HDGFL2: variants seen among roughly 807,000 people sequenced by gnomAD.
The protein encoded by HDGFL2 is hepatoma-derived growth factor-related protein 2.
A neutral mutation model predicts 77.1 loss-of-function variants in HDGFL2; 36 were observed. That is an observed-to-expected ratio of 0.47 (90% confidence interval 0.36 to 0.62). HDGFL2 has a LOEUF of 0.62. Among genes scored for constraint, HDGFL2 ranks in the 20% least tolerant of loss-of-function variants. HDGFL2 has a pLI of 0.00. For missense variants in HDGFL2, 976 were observed against 973.4 expected (o/e 1.00, Z -0.04); for synonymous variants, 463 against 413.1 (o/e 1.12, Z -1.46).
At chr19:4,490,975 C>T (rs1019478418) in intron 4 of HDGFL2, among the ~76,000 whole-genome samples, 1 of 152,006 alleles carries the variant, frequency 6.6e-6, no homozygotes, top group Non-Finnish European at 1.5e-5. Flanking sequence ...CCACACCCAG[C>T]TAATTTTGTT....
At chr19:4,484,376 G>A (rs958829837) in intron 3 of HDGFL2, among the ~76,000 whole-genome samples, 2 of 152,100 alleles carry the variant, frequency 1.3e-5, no homozygotes, top group African/African-American at 2.4e-5. Context: ...GAGCCACCAC[G>A]CCCGGCCTGT....
intron 3 of HDGFL2, among the ~76,000 whole-genome samples, chr19:4,485,056 T>A (rs2145176117): frequency 6.6e-6 from 1 of 152,258 alleles, no homozygotes; most frequent in African/African-American, 2.4e-5. Flanking sequence ...TCCACCTGCC[T>A]TGGCCTCCCA....
intron 9 of HDGFL2, among the ~76,000 whole-genome samples, chr19:4,495,027 C>T (rs1177198291): frequency 3.9e-5 from 6 of 152,116 alleles, no homozygotes; most frequent in South Asian, 2.1e-4. Flanking sequence ...GGGGGTTTCT[C>T]TTTTAAATAG....
chr19:4,473,068 G>A (rs546172889), intron 1 of HDGFL2, among the ~76,000 whole-genome samples: 302 of 148,618 alleles, frequency 2.0e-3, no homozygotes, highest in Non-Finnish European at 3.3e-3. Context: ...GTTTGGGGGT[G>A]TTTGGGGCCT....
chr19:4,473,046 C>G (rs1384880031), intron 1 of HDGFL2, among the ~76,000 whole-genome samples: 1 of 145,102 alleles, frequency 6.9e-6, no homozygotes, highest in Non-Finnish European at 1.5e-5. Flanking sequence ...CCGAGGGAGT[C>G]GCACCTTGGG....
In HDGFL2 at chr19:4,502,041, G is replaced by A. The variant is rs773734198; in HGVS notation, c.*31G>A. Reference sequence around the variant, plus strand: ...GGGCAGCCAGGCCCAGCCCCCGCCCGAGCTCAGGCTGCCCCTCTCCTTCCC... The same window carrying A: ...GGGCAGCCAGGCCCAGCCCCCGCCCAAGCTCAGGCTGCCCCTCTCCTTCCC... On this transcript the variant is annotated 3_prime_UTR_variant, in exon 16 of 16. Coordinates refer to ENST00000616600, the MANE Select transcript of HDGFL2 (RefSeq NM_001001520.3). 1.3e-5 allele frequency: 19 copies of A among 1,468,238 alleles called. No individual in the cohort carries two copies. In the East Asian group the frequency reaches 1.5e-4, roughly 11 times the overall value. 91.0% of individuals were successfully genotyped at this position (1,468,238 alleles called of 1,614,324 possible).
intron 1 of HDGFL2, among the ~76,000 whole-genome samples, chr19:4,473,210 C>T (rs1255142577): frequency 3.1e-5 from 4 of 127,998 alleles, no homozygotes; most frequent in Non-Finnish European, 5.0e-5. Flanking sequence ...CCGTGGGGAT[C>T]TGGGGGGTGT....
rs188291073 is a variant in HDGFL2 at position 4,482,685 on chromosome 19, C to A, written c.289-5991C>A. 1.5e-3 allele frequency among the ~76,000 whole-genome samples: 222 copies of A among 152,266 alleles called. 1 individual carries two copies. Among genetic ancestry groups the A allele is most frequent in the African/African-American group, 5.1e-3 (210 of 41,538 alleles). On this transcript the variant is annotated intron_variant, in intron 3 of 15. Transcript: ENST00000616600. Reference sequence around the variant, plus strand: ...GTGGCTATGACCCAGGCTTCGAGGCCAAGACCTGCTCGTGCTTTCATCTCA... The same window carrying A: ...GTGGCTATGACCCAGGCTTCGAGGCAAAGACCTGCTCGTGCTTTCATCTCA...
Position 4,501,949 on chromosome 19 carries a change from G to T in HDGFL2, c.1955G>T (p.Ser652Ile), listed in dbSNP as rs1568220778. ...GGTCCCGACCTGGACAGGCCTGGGA[G>T]CGACCGGCAGGAGCGCGAGAGGGCA... ...REGPDLDRPG[S>I]DRQERERARG... Residue 652 changes from serine to isoleucine, a missense_variant, in exon 16 of 16, where the codon AGC becomes ATC. Transcript: ENST00000616600. 2 of 1,500,128 alleles carry T rather than the reference G, an allele frequency of 1.3e-6. No individual in the cohort carries two copies. The highest frequency in any genetic ancestry group is 5.3e-5 in the Admixed American group (2 of 38,072). 92.9% of individuals were successfully genotyped at this position (1,500,128 alleles called of 1,614,324 possible).
At chr19:4,483,787 ATTTTTT>A (rs5826851) in intron 3 of HDGFL2, among the ~76,000 whole-genome samples, 2 of 100,502 alleles carry the variant, frequency 2.0e-5, no homozygotes, top group South Asian at 3.1e-4. Flanking sequence ...TTGTTTCATG[ATTTTTT>A]TTTTTTTTTT....
chr19:4,502,203 A>C lies in HDGFL2; in HGVS notation c.*193A>C. On this transcript the variant is annotated 3_prime_UTR_variant, in exon 16 of 16. Transcript: ENST00000616600. ...ATGACTATAAATGGTTTTTTAATGAAAAAAGAAATCACTTTTATTGGCTTG... is the reference window on the plus strand; with the variant it reads ...ATGACTATAAATGGTTTTTTAATGACAAAAGAAATCACTTTTATTGGCTTG... 1.5e-6 allele frequency: 1 copy of C among 671,174 alleles called. No homozygotes were observed. Among genetic ancestry groups the C allele is most frequent in the Non-Finnish European group, 2.7e-6 (1 of 375,590 alleles). 41.6% of individuals were successfully genotyped at this position (671,174 alleles called of 1,614,324 possible). A position where few individuals can be genotyped will look rare whatever the true frequency, so the allele number is the denominator to read the frequency against.
At position 4,502,013 on chromosome 19, in the gene HDGFL2, C is replaced by T. The variant is rs562941177; in HGVS notation, c.*3C>T. The T allele has an allele frequency of 1.8e-5, 27 of 1,519,044 alleles. No individual in the cohort carries two copies. Among genetic ancestry groups the T allele is most frequent in the East Asian group, 1.2e-4 (5 of 40,712 alleles). 94.1% of individuals were successfully genotyped at this position (1,519,044 alleles called of 1,614,324 possible). ...AGGCCCTGGACGAGGAGAGCTGAGC[C>T]GCGGGCAGCCAGGCCCAGCCCCCGC... On this transcript the variant is annotated 3_prime_UTR_variant, in exon 16 of 16. Transcript: ENST00000616600.
chr19:4,494,863 T>C (rs1171685771), intron 9 of HDGFL2, among the ~76,000 whole-genome samples: 1 of 151,444 alleles, frequency 6.6e-6, no homozygotes, highest in Non-Finnish European at 1.5e-5. Flanking sequence ...GAGGCTGCAG[T>C]GAGCTGTCAT....
rs1975042894 is a variant in HDGFL2 at position 4,475,315 on chromosome 19, A to G, written c.113A>G (p.Asn38Ser). 1.2e-5 allele frequency: 20 copies of G among 1,613,632 alleles called. No homozygotes were observed. Among genetic ancestry groups the G allele is most frequent in the Non-Finnish European group, 1.7e-5 (20 of 1,179,916 alleles). Residue 38 changes from asparagine to serine, a missense_variant, in exon 2 of 16, where the codon AAC (asparagine) becomes AGC (serine). By Grantham distance (46) the Asn-to-Ser change is conservative. This residue lies in a region of HDGFL2 where 103 missense variants were observed against 145.7 expected (regional missense o/e 0.71). Transcript: ENST00000616600. The part of the protein sequence containing the change: ...IADGAVKPPP[N>S]KYPIFFFGTH... ...GATGGCGCCGTGAAGCCCCCACCCA[A>G]CAAGTACCCCATCTTTTTCTTTGGC...
At chr19:4,475,012 C>T (rs576494476) in intron 1 of HDGFL2, 10 of 471,934 alleles carry the variant, frequency 2.1e-5, no homozygotes, top group East Asian at 2.0e-4. Flanking sequence ...TTCAGAGGGC[C>T]GGATCTGGCT....
chr19:4,488,219 C>T (rs922625286), intron 3 of HDGFL2, among the ~76,000 whole-genome samples: 2 of 152,230 alleles, frequency 1.3e-5, no homozygotes, highest in Non-Finnish European at 2.9e-5. Flanking sequence ...GATCTGCCTG[C>T]TGCAGCCTCC....
At chr19:4,500,335 G>A (rs1975827921) in intron 14 of HDGFL2, among the ~76,000 whole-genome samples, 2 of 152,130 alleles carry the variant, frequency 1.3e-5, no homozygotes, top group Non-Finnish European at 2.9e-5. Flanking sequence ...CCCCCAGGCT[G>A]GAGTGCAGTG....
intron 15 of HDGFL2, 181 bp downstream of exon 15, chr19:4,501,498 G>A: frequency 4.5e-6 from 3 of 662,082 alleles, no homozygotes; most frequent in Non-Finnish European, 7.1e-6. Flanking sequence ...ACTTCCGGCG[G>A]CCCCTACAGA....
intron 3 of HDGFL2, among the ~76,000 whole-genome samples, chr19:4,485,155 C>T (rs1425065140): frequency 1.3e-5 from 2 of 152,104 alleles, no homozygotes; most frequent in African/African-American, 2.4e-5. Flanking sequence ...GCTAGGTATC[C>T]CCCCAATTCT....
Sources: allele counts gnomAD v4.1 joint callset (sites outside exome capture counted in the v4.1 genomes callset), GRCh38; gene constraint gnomAD v4.1.1; regional missense constraint gnomAD v4.1.1; transcripts MANE v1.5; gene names NCBI Gene and HGNC (gene_info 2026-07-23, HGNC 2026-07-21).